HOOK3: variants seen among roughly 807,000 people sequenced by gnomAD.
HOOK3 encodes protein Hook homolog 3.
A neutral mutation model predicts 116.3 loss-of-function variants in HOOK3; 24 were observed. That is an observed-to-expected ratio of 0.21 (90% CI 0.15 to 0.29). The LOEUF (loss-of-function observed/expected upper bound fraction) is 0.29, where lower values mean the gene tolerates loss of function less well. Among genes scored for constraint, HOOK3 ranks in the 10% least tolerant of loss-of-function variants. The pLI, the probability that HOOK3 is intolerant of heterozygous loss-of-function variation, is 1.00. For missense variants in HOOK3, 632 were observed against 830.2 expected (o/e 0.76, Z 2.93); for synonymous variants, 275 against 283.0 (o/e 0.97, Z 0.28).
intron 4 of HOOK3, among the ~76,000 whole-genome samples, chr8:42,931,043 TA>T (rs1375495022): frequency 5.3e-5 from 8 of 152,198 alleles, no homozygotes; most frequent in Non-Finnish European, 1.0e-4. Context: ...TTGAGAATCA[TA>T]TCCACATTCT....
intron 14 of HOOK3, among the ~76,000 whole-genome samples, chr8:42,983,423 A>C (rs1019098759): frequency 6.6e-6 from 1 of 151,894 alleles, no homozygotes; most frequent in African/African-American, 2.4e-5. Context: ...ATGACTCCCC[A>C]TCTTAACTAT....
Position 43,024,810 on chromosome 8 carries a change from G to A in HOOK3, c.*6312G>A, listed in dbSNP as rs1215900067. 1 of 205,378 alleles carries A rather than the reference G, an allele frequency of 4.9e-6. No individual in the cohort carries two copies. The highest frequency in any genetic ancestry group is 1.0e-5 in the Non-Finnish European group (1 of 100,424). The allele number at this position is 205,378 out of a possible 1,614,324, so 12.7% of individuals were successfully genotyped here. On this transcript the variant is annotated 3_prime_UTR_variant, in exon 22 of 22. Transcript: ENST00000307602. ...AAAAACATAACATAATATGCTAACA[G>A]AGCTAATTTCCACCCAATCCCTCAA...
At chr8:42,926,483 A>C (rs937225072) in intron 3 of HOOK3, among the ~76,000 whole-genome samples, 1 of 151,896 alleles carries the variant, frequency 6.6e-6, no homozygotes, top group Non-Finnish European at 1.5e-5. Flanking sequence ...ACGGGGTTTC[A>C]CCCTGTTGAC....
chr8:42,933,888 T>G (rs1807916531), intron 4 of HOOK3, among the ~76,000 whole-genome samples: 1 of 152,162 alleles, frequency 6.6e-6, no homozygotes, highest in Admixed American at 6.5e-5. Context: ...CTGGGACCTT[T>G]TAGGTCCTTT....
intron 2 of HOOK3, among the ~76,000 whole-genome samples, chr8:42,911,735 TTGAC>T (rs1261335799): frequency 1.2e-4 from 18 of 150,972 alleles, no homozygotes; most frequent in African/African-American, 3.4e-4. Context: ...TGTGGGGGAG[TTGAC>T]TTTTAGGTTT....
chr8:43,030,396 A>C lies in HOOK3; in HGVS notation c.*11898A>C, dbSNP rs1291057073. The C allele has an allele frequency of 1.1e-5, 2 of 179,320 alleles. No homozygotes were observed. The highest frequency in any genetic ancestry group is 2.4e-5 in the Non-Finnish European group (2 of 83,698). The allele number at this position is 179,320 out of a possible 1,614,324, so 11.1% of individuals were successfully genotyped here. Reference sequence around the variant, plus strand: ...TATGTATGTGTTTATATGTATGCATATAATATATGTATATGTATATGAAGA... The same window carrying C: ...TATGTATGTGTTTATATGTATGCATCTAATATATGTATATGTATATGAAGA... On this transcript the variant is annotated 3_prime_UTR_variant, in exon 22 of 22. Coordinates refer to ENST00000307602, the MANE Select transcript of HOOK3 (RefSeq NM_032410.4).
At chr8:42,991,182 G>A (rs1254847642) in intron 15 of HOOK3, among the ~76,000 whole-genome samples, 1 of 152,024 alleles carries the variant, frequency 6.6e-6, no homozygotes, top group Admixed American at 6.6e-5. Context: ...ATGCTGTTTT[G>A]GTTACTATAG....
chr8:42,915,366 A>T (rs1241648563), intron 2 of HOOK3, among the ~76,000 whole-genome samples: 1 of 152,078 alleles, frequency 6.6e-6, no homozygotes, highest in Non-Finnish European at 1.5e-5. Flanking sequence ...CTCTGTCTCA[A>T]AACAAAACAA....
intron 2 of HOOK3, among the ~76,000 whole-genome samples, chr8:42,919,798 C>G (rs1372768117): frequency 2.0e-5 from 3 of 152,138 alleles, no homozygotes; most frequent in East Asian, 3.9e-4. Flanking sequence ...GAAAACCAGT[C>G]AGGCGTGGCG....
intron 13 of HOOK3, 95 bp downstream of exon 13, chr8:42,974,289 G>C (rs1056893504): frequency 3.3e-5 from 28 of 856,336 alleles, no homozygotes; most frequent in Non-Finnish European, 5.0e-5. Context: ...CAATGGCACT[G>C]TCTTGGCTCA....
At chr8:43,002,381 A>G (rs1223752424) in intron 17 of HOOK3, among the ~76,000 whole-genome samples, 1 of 152,196 alleles carries the variant, frequency 6.6e-6, no homozygotes, top group Non-Finnish European at 1.5e-5. Context: ...TGTGATAATC[A>G]TAGTTAGGAG....
At chr8:43,006,165 C>T (rs1163306622) in intron 17 of HOOK3, among the ~76,000 whole-genome samples, 7 of 148,030 alleles carry the variant, frequency 4.7e-5, no homozygotes, top group Admixed American at 1.4e-4. Flanking sequence ...GGACTACAGG[C>T]GCCCACCACC....
chr8:42,964,123 C>T (rs1194529649), intron 8 of HOOK3, among the ~76,000 whole-genome samples, 188 bp from the exon 9 acceptor site: 5 of 152,158 alleles, frequency 3.3e-5, no homozygotes, highest in East Asian at 1.9e-4. Context: ...AAAAGAATGG[C>T]GTGAACCCAG....
At position 43,022,722 on chromosome 8, in the gene HOOK3, C is replaced by T. The variant is rs1809852309; in HGVS notation, c.*4224C>T. On this transcript the variant is annotated 3_prime_UTR_variant, in exon 22 of 22. Transcript: ENST00000307602. Reference sequence around the variant, plus strand: ...TTTGATAGTAATGCAGAAAAAAGTCCCTAAAGACCCTGTGTTCCAAAATTT... The same window carrying T: ...TTTGATAGTAATGCAGAAAAAAGTCTCTAAAGACCCTGTGTTCCAAAATTT... The T allele has an allele frequency of 5.6e-6, 1 of 180,150 alleles. No individual in the cohort carries two copies. The highest frequency in any genetic ancestry group is 6.3e-5 in the Admixed American group (1 of 15,866). 11.2% of individuals were successfully genotyped at this position (180,150 alleles called of 1,614,324 possible).
intron 6 of HOOK3, 66 bp from the exon 7 acceptor site, chr8:42,957,028 G>T (rs1808449553): frequency 8.7e-6 from 7 of 808,542 alleles, no homozygotes; most frequent in African/African-American, 1.7e-5. Context: ...ATTTTCTTAT[G>T]TTAAGTATTT....
At chr8:42,925,725 AGC>A (rs1807753112) in intron 3 of HOOK3, 96 bp downstream of exon 3, 1 of 727,484 alleles carries the variant, frequency 1.4e-6, no homozygotes, top group Non-Finnish European at 2.3e-6. Flanking sequence ...GAGCTTTAGA[AGC>A]TTAGGTAGCC....
chr8:43,014,339 C>CATTTATTTATTT (rs574484549), intron 21 of HOOK3, among the ~76,000 whole-genome samples: 1 of 149,036 alleles, frequency 6.7e-6, no homozygotes, highest in Admixed American at 6.7e-5. Context: ...GACCAGATTC[C>CATTTATTTATTT]ATTTATTTAT....
chr8:43,013,454 T>G, intron 21 of HOOK3, 54 bp downstream of exon 21: 2 of 1,349,130 alleles, frequency 1.5e-6, no homozygotes, highest in Non-Finnish European at 1.0e-6. Context: ...TATGTAATAC[T>G]TATTATATTC....
chr8:42,974,116 A>G lies in HOOK3; in HGVS notation c.1243A>G (p.Thr415Ala). 7.4e-6 allele frequency: 12 copies of G among 1,613,542 alleles called. No individual in the cohort carries two copies. The highest frequency in any genetic ancestry group is 9.3e-6 in the Non-Finnish European group (11 of 1,179,436). ...SLQKEKDRLR[T>A]ERDSLKETIE... ...TTTTGTGTCTCTCCAGAGGCTGAGA[A>G]CAGAAAGGGATTCTCTGAAGGAAAC... is the stretch of plus-strand genomic sequence containing the variant. The change falls in exon 13 of 22, where the codon ACA becomes GCA. Residue 415 changes from threonine to alanine, a missense_variant. By Grantham distance (58) the Thr-to-Ala change is moderately conservative. Coordinates refer to ENST00000307602, the MANE Select transcript of HOOK3 (RefSeq NM_032410.4).
Sources: gnomAD v4.1 joint callset for allele counts (sites outside exome capture counted in the v4.1 genomes callset) on GRCh38, gnomAD v4.1.1 for gene constraint, MANE v1.5 for transcripts, NCBI Gene and HGNC (gene_info 2026-07-23, HGNC 2026-07-21) for gene names.